ZFR: variants seen among roughly 807,000 people sequenced by gnomAD.
ZFR encodes the protein zinc finger RNA-binding protein.
A neutral mutation model predicts 130.7 loss-of-function variants in ZFR; 19 were observed. That is an observed-to-expected ratio of 0.15 (90% CI 0.10 to 0.21). The LOEUF is 0.21. ZFR is among the 10% of genes least tolerant of loss of function. ZFR has a pLI of 1.00. For synonymous variants in ZFR, 466 were observed against 456.9 expected (o/e 1.02, Z -0.25); for missense variants, 872 against 1,321.5 (o/e 0.66, Z 5.27).
rs1428271208 is a variant in ZFR at position 32,404,046 on chromosome 5, A to G, written c.1084T>C (p.Leu362=). 1.2e-5 allele frequency: 20 copies of G among 1,613,098 alleles called. 1 individual carries two copies. The highest frequency in any genetic ancestry group is 6.7e-5 in the African/African-American group (5 of 74,910). The change falls in exon 7 of 20, where the codon TTG becomes CTG. Residue 362 remains leucine (L), a synonymous_variant. Coordinates refer to ENST00000265069, the MANE Select transcript of ZFR (RefSeq NM_016107.5). The part of the protein sequence containing the change: ...GQKHKKKEAA[L]KASQNTSSSN... ...CTGCTGGTATTTTGTGAGGCTTTCA[A>G]TGCAGCTTCTTTTTTTTTATGTTTC...
intron 10 of ZFR, among the ~76,000 whole-genome samples, chr5:32,396,818 C>A (rs531630072): frequency 6.6e-6 from 1 of 151,994 alleles, no homozygotes; most frequent in Non-Finnish European, 1.5e-5. Flanking sequence ...AGAATTCCTA[C>A]GCTAAGATAA....
Position 32,363,939 on chromosome 5 carries a change from T to A in ZFR, c.3045+9A>T. The A allele has an allele frequency of 6.2e-7, 1 of 1,609,702 alleles. No individual in the cohort carries two copies. Among genetic ancestry groups the A allele is most frequent in the Non-Finnish European group, 8.5e-7 (1 of 1,176,446 alleles). On this transcript the variant is annotated intron_variant, in intron 19 of 19. Transcript: ENST00000265069. ...CCCAATAGGGCTCTGAATTTAGGAA[T>A]ACCAGTACCTGTGCACTGGATGTGA...
rs1186306961 is a variant in ZFR at position 32,370,305 on chromosome 5, TGG to T, written c.2836-6032_2836-6031del. On this transcript the variant is annotated intron_variant, in intron 17 of 19. Transcript: ENST00000265069. ...AAATATATAATAACATTGTGTGTTG[TGG>T]GGGGAGAGAGAGAGAGAGAGAGAGA... Among the ~76,000 whole-genome samples the T allele has an allele frequency of 1.8e-3, 208 of 116,356 alleles. 3 individuals are homozygous for T. In the East Asian group the frequency reaches 0.041, roughly 23 times the overall value. The allele number at this position is 116,356 out of a possible 152,430, so 76.3% of individuals were successfully genotyped here. A position where few individuals can be genotyped will look rare whatever the true frequency, so the allele number is the denominator to read the frequency against.
intron 19 of ZFR, among the ~76,000 whole-genome samples, chr5:32,357,960 G>C (rs1752347848): frequency 6.6e-6 from 1 of 152,138 alleles, no homozygotes; most frequent in Non-Finnish European, 1.5e-5. Flanking sequence ...GTCTACTTCT[G>C]TGCCATAACT....
At chr5:32,365,571 T>TA (rs991443718) in intron 17 of ZFR, among the ~76,000 whole-genome samples, 1 of 151,874 alleles carries the variant, frequency 6.6e-6, no homozygotes, top group Non-Finnish European at 1.5e-5. Flanking sequence ...GATTCTTTTT[T>TA]ATTTTGAGAA....
chr5:32,442,505 C>T (rs1032520071), intron 2 of ZFR, among the ~76,000 whole-genome samples: 1 of 152,138 alleles, frequency 6.6e-6, no homozygotes, highest in Non-Finnish European at 1.5e-5. Flanking sequence ...AAATTATAAG[C>T]AAACGATTTG....
At chr5:32,413,320 C>G (rs1210115467) in intron 5 of ZFR, among the ~76,000 whole-genome samples, 1 of 152,032 alleles carries the variant, frequency 6.6e-6, no homozygotes, top group Non-Finnish European at 1.5e-5. Context: ...AAGGCAATCA[C>G]AGTAACAATA....
In ZFR at chr5:32,400,187, C is replaced by A. The variant is rs1282095717; in HGVS notation, c.1533G>T (p.Gln511His). The A allele has an allele frequency of 1.2e-6, 2 of 1,605,122 alleles. No homozygotes were observed. The highest frequency in any genetic ancestry group is 8.5e-7 in the Non-Finnish European group (1 of 1,175,518). The change falls in exon 9 of 20, where the codon CAG becomes CAT. Residue 511 changes from glutamine (Q) to histidine (H), a missense_variant. Gln to His is a conservative substitution (Grantham distance 24, BLOSUM62 0). This residue lies in a region of ZFR where 143 missense variants were observed against 137.9 expected (regional missense o/e 1.04). Transcript: ENST00000265069. ...KINFVGGNKL[Q>H]STGNKAEDIK... ...TGTCTTCTGCTTTATTTCCTGTTGACTGCAGCTTATTACCACCTAGAAAAG... is the reference window on the plus strand; with the variant it reads ...TGTCTTCTGCTTTATTTCCTGTTGAATGCAGCTTATTACCACCTAGAAAAG...
intron 2 of ZFR, among the ~76,000 whole-genome samples, chr5:32,441,504 T>C (rs2111880560): frequency 6.9e-6 from 1 of 145,032 alleles, no homozygotes; most frequent in South Asian, 2.3e-4. Flanking sequence ...CTATTTTCTA[T>C]CCAAATTTGA....
At position 32,415,513 on chromosome 5, in the gene ZFR, T is replaced by TGTGTGTGTGTGTGTGC. The variant is rs1554073605; in HGVS notation, c.566-327_566-326insGCACACACACACACAC. Among the ~76,000 whole-genome samples the TGTGTGTGTGTGTGTGC allele has an allele frequency of 3.3e-5, 3 of 92,306 alleles. No homozygotes were observed. In the South Asian group the frequency reaches 1.0e-3, roughly 31 times the overall value. 60.6% of individuals were successfully genotyped at this position (92,306 alleles called of 152,430 possible). A position where few individuals can be genotyped will look rare whatever the true frequency, so the allele number is the denominator to read the frequency against. Reference sequence around the variant, plus strand: ...GTGTGTGTGTGTGTGTGTGTGTGTGTGTGCGCGCGCGCGCGCGCGCACTAG... The same window carrying TGTGTGTGTGTGTGTGC: ...GTGTGTGTGTGTGTGTGTGTGTGTGTGTGTGTGTGTGTGTGCGTGCGCGCGCGCGCGCGCGCACTAG... On this transcript the variant is annotated intron_variant, in intron 4 of 19. Coordinates refer to ENST00000265069, the MANE Select transcript of ZFR (RefSeq NM_016107.5).
At chr5:32,409,474 C>T (rs1484824702) in intron 5 of ZFR, among the ~76,000 whole-genome samples, 1 of 151,220 alleles carries the variant, frequency 6.6e-6, no homozygotes, top group Non-Finnish European at 1.5e-5. Context: ...GGCGCAATCT[C>T]GACTCACTGC....
At chr5:32,392,349 A>G (rs996731840) in intron 11 of ZFR, among the ~76,000 whole-genome samples, 1 of 152,216 alleles carries the variant, frequency 6.6e-6, no homozygotes, top group Non-Finnish European at 1.5e-5. Flanking sequence ...AGAATTCCCA[A>G]TATGTTACAA....
chr5:32,411,365 A>G (rs907545312), intron 5 of ZFR, among the ~76,000 whole-genome samples: 6 of 152,184 alleles, frequency 3.9e-5, no homozygotes, highest in Non-Finnish European at 5.9e-5. Context: ...CCATCGGTTC[A>G]GCAACCATGG....
intron 5 of ZFR, among the ~76,000 whole-genome samples, chr5:32,413,402 T>C (rs1471734646): frequency 1.3e-5 from 2 of 152,156 alleles, no homozygotes; most frequent in African/African-American, 2.4e-5. Flanking sequence ...GTATATTCCA[T>C]GGAAGAAAAG....
intron 16 of ZFR, chr5:32,379,606 A>T (rs148358686): frequency 1.7e-5 from 4 of 231,576 alleles, no homozygotes; most frequent in Non-Finnish European, 3.4e-5. Context: ...GTGCCTTTGC[A>T]TGACTGCAAA....
At chr5:32,436,140 C>CT (rs370998112) in intron 2 of ZFR, among the ~76,000 whole-genome samples, 38,663 of 91,028 alleles carry the variant, frequency 0.42, 13,140 homozygotes, top group Non-Finnish European at 0.45. Flanking sequence ...CAGTTGTATT[C>CT]TTTTTTTTTT....
At chr5:32,391,471 T>C (rs1194272220) in intron 11 of ZFR, among the ~76,000 whole-genome samples, 2 of 151,906 alleles carry the variant, frequency 1.3e-5, no homozygotes, top group East Asian at 3.9e-4. Flanking sequence ...ACTCAGAATG[T>C]GGGCAGCTAG....
At chr5:32,409,516 G>C (rs1753651889) in intron 5 of ZFR, among the ~76,000 whole-genome samples, 1 of 149,084 alleles carries the variant, frequency 6.7e-6, no homozygotes, top group African/African-American at 2.5e-5. Flanking sequence ...ACCGATTCTT[G>C]TACCTCAGCC....
At chr5:32,382,766 C>T (rs1020211231) in intron 15 of ZFR, among the ~76,000 whole-genome samples, 1 of 152,046 alleles carries the variant, frequency 6.6e-6, no homozygotes, top group African/African-American at 2.4e-5. Flanking sequence ...CTCACCACCA[C>T]GCCCAGCTAA....
Sources: gnomAD v4.1 joint callset for allele counts (sites outside exome capture counted in the v4.1 genomes callset) on GRCh38, gnomAD v4.1.1 for gene constraint, gnomAD v4.1.1 regional missense constraint, MANE v1.5 for transcripts, NCBI Gene and HGNC (gene_info 2026-07-23, HGNC 2026-07-21) for gene names.